The following RTEL1 variants were observed in gnomAD, a reference collection of about 807,000 sequenced individuals.
RTEL1 encodes the protein regulator of telomere length.
RTEL1 carries 86 observed loss-of-function variants against 162.2 expected under a neutral mutation model. The ratio of observed to expected loss-of-function variants is 0.53; its 90% CI spans 0.45 to 0.63. The LOEUF is 0.63. Among genes scored for constraint, RTEL1 ranks in the 30% least tolerant of loss-of-function variants. The pLI, the probability that RTEL1 is intolerant of heterozygous loss-of-function variation, is 0.00. For missense variants in RTEL1, 1,941 were observed against 1,750.2 expected (o/e 1.11, Z -1.95); for synonymous variants, 958 against 717.9 (o/e 1.33, Z -5.35).
Position 63,693,255 on chromosome 20 carries a change from G to T in RTEL1, c.2964G>T (p.Gln988His). The T allele has an allele frequency of 6.2e-7, 1 of 1,611,944 alleles. No homozygotes were observed. The highest frequency in any genetic ancestry group is 1.1e-5 in the South Asian group (1 of 91,092). Residue 988 changes from glutamine to histidine, a missense_variant, in exon 30 of 35, where the codon CAG becomes CAT. Coordinates refer to ENST00000360203, the MANE Select transcript of RTEL1 (RefSeq NM_001283009.2). Reference protein sequence around the residue: ...YRPEHSIPRRQRAQPVLDPTG... With the variant: ...YRPEHSIPRRHRAQPVLDPTG... ...CTGAGCACAGCATTCCCCGAAGGCA[G>T]CGGGCACAGCCGGTCCTGGACCCCA...
intron 10 of RTEL1, among the ~76,000 whole-genome samples, chr20:63,677,053 T>C (rs1191629618): frequency 3.3e-5 from 1 of 29,872 alleles, no homozygotes; most frequent in East Asian, 4.0e-4. Flanking sequence ...CACCTTGAGG[T>C]GTTTTCATGT....
chr20:63,685,645 G>A (rs745900047), intron 15 of RTEL1, 48 bp downstream of exon 15: 37 of 1,593,956 alleles, frequency 2.3e-5, no homozygotes, highest in Middle Eastern at 1.7e-4. Flanking sequence ...CTTGTTCCCC[G>A]GCAGGGCTGG....
At position 63,688,688 on chromosome 20, in the gene RTEL1, G is replaced by C. The variant is rs955813372; in HGVS notation, c.1800+83G>C. ...ACAGCTTCCCCAAGGCTGACCACTGGCCCTGACCATGGGCTCCGGCGGCTC... is the reference window on the plus strand; with the variant it reads ...ACAGCTTCCCCAAGGCTGACCACTGCCCCTGACCATGGGCTCCGGCGGCTC... On this transcript the variant is annotated intron_variant, in intron 21 of 34. Transcript: ENST00000360203. The C allele has an allele frequency of 1.2e-5, 16 of 1,334,046 alleles. 1 individual carries two copies. The highest frequency in any genetic ancestry group is 1.3e-5 in the South Asian group (1 of 79,196). The allele number at this position is 1,334,046 out of a possible 1,614,324, so 82.6% of individuals were successfully genotyped here.
chr20:63,693,274 G>C lies in RTEL1; in HGVS notation c.2983G>C (p.Asp995His), dbSNP rs202020298. The change falls in exon 30 of 35, where the codon GAC becomes CAC. Residue 995 changes from aspartate to histidine, a missense_variant. Coordinates refer to ENST00000360203, the MANE Select transcript of RTEL1 (RefSeq NM_001283009.2). ...PRRQRAQPVL[D>H]PTGRTAPDPK... ...AAGGCAGCGGGCACAGCCGGTCCTG[G>C]ACCCCACTGGTAAATGGGGCCCCAG... The C allele has an allele frequency of 6.2e-6, 10 of 1,611,578 alleles. No homozygotes were observed. Among genetic ancestry groups the C allele is most frequent in the African/African-American group, 2.7e-5 (2 of 74,798 alleles).
chr20:63,690,549 G>A (rs1013327845), intron 26 of RTEL1, 108 bp downstream of exon 26: 6 of 1,348,228 alleles, frequency 4.5e-6, no homozygotes, highest in African/African-American at 1.5e-5. Context: ...GGCTTTGTGC[G>A]CTTCCCCTCC....
chr20:63,659,696 G>C (rs2089979363), intron 2 of RTEL1, among the ~76,000 whole-genome samples, 192 bp downstream of exon 2: 3 of 152,288 alleles, frequency 2.0e-5, no homozygotes, highest in East Asian at 1.9e-4. Flanking sequence ...CCTTTGAAGG[G>C]GGCCGGCCCC....
intron 2 of RTEL1, 80 bp downstream of exon 2, chr20:63,659,584 C>A: frequency 9.2e-7 from 1 of 1,092,348 alleles, no homozygotes; most frequent in East Asian, 2.4e-5. Flanking sequence ...TCTCCCGGCC[C>A]ATTCCAGCCA....
rs1305547484 is a variant in RTEL1, at chr20:63,681,085, G to A, written c.1191+366G>A. Reference sequence around the variant, plus strand: ...CGCAGATGAAGAGCTCTGGACACACGCGGCTTCCTGAACAGCTTCTCCAGG... The same window carrying A: ...CGCAGATGAAGAGCTCTGGACACACACGGCTTCCTGAACAGCTTCTCCAGG... On this transcript the variant is annotated intron_variant, in intron 14 of 34. Coordinates refer to ENST00000360203, the MANE Select transcript of RTEL1 (RefSeq NM_001283009.2). The A allele has an allele frequency of 6.1e-6, 6 of 985,310 alleles. No individual in the cohort carries two copies. In the African/African-American group the frequency reaches 7.0e-5, roughly 11 times the overall value. The allele number at this position is 985,310 out of a possible 1,614,324, so 61.0% of individuals were successfully genotyped here.
At chr20:63,671,989 T>C (rs2146191278) in intron 8 of RTEL1, among the ~76,000 whole-genome samples, 1 of 152,210 alleles carries the variant, frequency 6.6e-6, no homozygotes, top group Admixed American at 6.5e-5. Context: ...ATGAAAGCGA[T>C]TCTCCTGCCT....
Position 63,661,993 on chromosome 20 carries a change from T to G in RTEL1, c.395+50T>G. The G allele has an allele frequency of 1.4e-6, 2 of 1,393,996 alleles. No homozygotes were observed. Among genetic ancestry groups the G allele is most frequent in the Non-Finnish European group, 2.0e-6 (2 of 980,254 alleles). The allele number at this position is 1,393,996 out of a possible 1,614,324, so 86.4% of individuals were successfully genotyped here. On this transcript the variant is annotated intron_variant, in intron 4 of 34. Coordinates refer to ENST00000360203, the MANE Select transcript of RTEL1 (RefSeq NM_001283009.2). This position sits in a 1 kb window ranked among gnomAD's most constrained non-coding sequence, Gnocchi z 5.1. ...TCTCGGGGTCCTCAAGAGAACCAGCTTGGCATGGTGCTGAGTCCACAGCCC... is the reference window on the plus strand; with the variant it reads ...TCTCGGGGTCCTCAAGAGAACCAGCGTGGCATGGTGCTGAGTCCACAGCCC...
At chr20:63,680,217 G>A (rs935460435) in intron 13 of RTEL1, among the ~76,000 whole-genome samples, 1 of 152,232 alleles carries the variant, frequency 6.6e-6, no homozygotes, top group African/African-American at 2.4e-5. Flanking sequence ...GGCCCTAGCT[G>A]GCTTGTGGGG....
chr20:63,695,982 G>A lies in RTEL1; in HGVS notation c.*124G>A. ...TGCCAGCCGGCTTGGCCCGCTGCAG[G>A]CCTCAGGCAGGCGGGGCCCATGGTT... On this transcript the variant is annotated 3_prime_UTR_variant, in exon 35 of 35. Transcript: ENST00000360203. 2 of 969,042 alleles carry A rather than the reference G, an allele frequency of 2.1e-6. No homozygotes were observed. Among genetic ancestry groups the A allele is most frequent in the South Asian group, 3.2e-5 (2 of 62,002 alleles). 60.0% of individuals were successfully genotyped at this position (969,042 alleles called of 1,614,324 possible).
intron 8 of RTEL1, among the ~76,000 whole-genome samples, chr20:63,669,100 A>C (rs1383832992): frequency 1.3e-5 from 2 of 152,020 alleles, no homozygotes; most frequent in African/African-American, 4.8e-5. Context: ...CTCCCACATC[A>C]GCCTCCCGAG....
At chr20:63,690,043 G>A (rs1303765782) in intron 24 of RTEL1, 44 bp from the exon 25 acceptor site, 6 of 1,595,772 alleles carry the variant, frequency 3.8e-6, no homozygotes, top group Admixed American at 3.4e-5. Context: ...CTGAACCCTT[G>A]AAGCGGCTGT....
intron 2 of RTEL1, among the ~76,000 whole-genome samples, chr20:63,659,738 G>A (rs1257454103): frequency 6.6e-6 from 1 of 152,224 alleles, no homozygotes; most frequent in Non-Finnish European, 1.5e-5. Flanking sequence ...CATCAGGCGG[G>A]ACGAGAGACT....
At position 63,694,625 on chromosome 20, in the gene RTEL1, C is replaced by T. The variant is rs1010099297; in HGVS notation, c.3110-116C>T. 10 of 1,219,336 alleles carry T rather than the reference C, an allele frequency of 8.2e-6. No individual in the cohort carries two copies. The African/African-American group carries it at 1.4e-4, about 17-fold the overall frequency. The allele number at this position is 1,219,336 out of a possible 1,614,324, so 75.5% of individuals were successfully genotyped here. On this transcript the variant is annotated intron_variant, in intron 31 of 34. Coordinates refer to ENST00000360203, the MANE Select transcript of RTEL1 (RefSeq NM_001283009.2). ...GGTGGGGACTGCTCCCGGTTCTGCA[C>T]CCCGCAGTTGTCCTGAGCAGCTCTC... is the stretch of plus-strand genomic sequence containing the variant.
rs2090029532 is a variant in RTEL1, at chr20:63,661,982, A to G, written c.395+39A>G. ...GTTTACACCTGTCTCGGGGTCCTCA[A>G]GAGAACCAGCTTGGCATGGTGCTGA... On this transcript the variant is annotated intron_variant, in intron 4 of 34. Coordinates refer to ENST00000360203, the MANE Select transcript of RTEL1 (RefSeq NM_001283009.2). This position sits in a 1 kb window ranked among gnomAD's most constrained non-coding sequence, Gnocchi z 5.1. The G allele has an allele frequency of 1.3e-6, 2 of 1,486,142 alleles. No homozygotes were observed. Among genetic ancestry groups the G allele is most frequent in the Admixed American group, 3.4e-5 (2 of 59,650 alleles). 92.1% of individuals were successfully genotyped at this position (1,486,142 alleles called of 1,614,324 possible). A position where few individuals can be genotyped will look rare whatever the true frequency, so the allele number is the denominator to read the frequency against.
In RTEL1 at chr20:63,695,438, C is replaced by T. The variant is rs1373020489; in HGVS notation, c.3610C>T (p.Gln1204Ter). The T allele has an allele frequency of 1.9e-6, 3 of 1,575,478 alleles. No homozygotes were observed. The highest frequency in any genetic ancestry group is 2.4e-5 in the South Asian group (2 of 84,520). The change falls in exon 34 of 35, where the codon CAG (glutamine) becomes TAG (stop). Residue 1204 changes from glutamine to a stop codon, truncating the protein, a stop_gained. Coordinates refer to ENST00000360203, the MANE Select transcript of RTEL1 (RefSeq NM_001283009.2). LOFTEE classifies it high-confidence loss of function. ...GGGCGGTGAGGATGCAGGTCCCAGC[C>T]AGTCCTCAGGACCTCCCCACGGGCC... ...GAGGEDAGPS[Q>*]SSGPPHGPAA...
In RTEL1 at chr20:63,689,585, C is replaced by T. The variant is rs1427923367; in HGVS notation, c.1962C>T (p.Pro654=). 3.1e-6 allele frequency: 5 copies of T among 1,612,302 alleles called. No homozygotes were observed. Among genetic ancestry groups the T allele is most frequent in the African/African-American group, 1.3e-5 (1 of 74,892 alleles). The change falls in exon 23 of 35, where the codon CCC becomes CCT. Residue 654 remains proline (P), a synonymous_variant. Coordinates refer to ENST00000360203, the MANE Select transcript of RTEL1 (RefSeq NM_001283009.2). The stretch of plus-strand genomic sequence containing the variant: ...TCCCGTACCCCCCACGCATGGACCC[C>T]CGGGTTGTCCTCAAGATGCAGTTCC... ...TGLPYPPRMD[P]RVVLKMQFLD... is the part of the protein sequence containing the mutation.
Sources: allele counts gnomAD v4.1 joint callset (sites outside exome capture counted in the v4.1 genomes callset), GRCh38; gene constraint gnomAD v4.1.1; non-coding constraint Gnocchi (gnomAD v3.1); transcripts MANE v1.5; gene names NCBI Gene and HGNC (gene_info 2026-07-23, HGNC 2026-07-21).